Variants in EEFSEC observed in about 807,000 individuals in gnomAD.
The protein encoded by EEFSEC is eukaryotic elongation factor, selenocysteine-tRNA specific.
Under a neutral mutation model 42.1 loss-of-function variants are expected in EEFSEC, and 43 were observed. The observed-to-expected ratio is 1.02, with a 90% confidence interval of 0.80 to 1.32. The LOEUF (loss-of-function observed/expected upper bound fraction) is 1.32. Among genes scored for constraint, EEFSEC ranks in the 40% most tolerant of loss-of-function variants. The pLI, the probability that EEFSEC is intolerant of heterozygous loss-of-function variation, is 0.00. For synonymous variants in EEFSEC, 354 were observed against 339.1 expected (o/e 1.04, Z -0.48); for missense variants, 745 against 803.6 (o/e 0.93, Z 0.88).
rs553960773 is a variant in EEFSEC at position 128,281,825 on chromosome 3, G to A, written c.786+17044G>A. On this transcript the variant is annotated intron_variant, in intron 4 of 6. Coordinates refer to ENST00000254730, the MANE Select transcript of EEFSEC (RefSeq NM_021937.5). The stretch of plus-strand genomic sequence containing the variant: ...GCCTTATGGCTGATGGGGGCCTGGC[G>A]ACTTGCACTCTCCGGTTCTCAGCTG... Among the ~76,000 whole-genome samples, 13 of 152,304 alleles carry A rather than the reference G, an allele frequency of 8.5e-5. No homozygotes were observed. In the South Asian group the frequency reaches 2.1e-3, roughly 24 times the overall value.
At chr3:128,218,772 C>A (rs1576553906) in intron 1 of EEFSEC, among the ~76,000 whole-genome samples, 1 of 152,198 alleles carries the variant, frequency 6.6e-6, no homozygotes, top group South Asian at 2.1e-4. Flanking sequence ...CAAAGGCAAC[C>A]ATTTGCAACT....
chr3:128,182,325 A>G (rs1414613087), intron 1 of EEFSEC, among the ~76,000 whole-genome samples: 2 of 152,240 alleles, frequency 1.3e-5, no homozygotes, highest in African/African-American at 4.8e-5. Context: ...AAAAAAAAAA[A>G]AAATTCTGTA....
At chr3:128,369,140 A>G (rs2067624722) in intron 6 of EEFSEC, among the ~76,000 whole-genome samples, 2 of 152,150 alleles carry the variant, frequency 1.3e-5, no homozygotes, top group Admixed American at 1.3e-4. Context: ...TGACTGGCCC[A>G]CCAGACCCTG....
At chr3:128,349,924 T>C (rs565861751) in intron 5 of EEFSEC, among the ~76,000 whole-genome samples, 3 of 152,334 alleles carry the variant, frequency 2.0e-5, no homozygotes, top group Admixed American at 6.5e-5. Context: ...GACTTTCCTC[T>C]GGAAATGCAG....
At chr3:128,371,277 C>T (rs986799524) in intron 6 of EEFSEC, among the ~76,000 whole-genome samples, 67 of 151,708 alleles carry the variant, frequency 4.4e-4, no homozygotes, top group African/African-American at 1.5e-3. Context: ...TCCCGAAAGG[C>T]CTTGGCCTCC....
At chr3:128,163,760 C>A (rs534076650) in intron 1 of EEFSEC, among the ~76,000 whole-genome samples, 2 of 151,982 alleles carry the variant, frequency 1.3e-5, no homozygotes, top group African/African-American at 4.8e-5. Flanking sequence ...CTGGATTGAC[C>A]GGTCCTGGAC....
chr3:128,395,191 A>G (rs944386250), intron 6 of EEFSEC, among the ~76,000 whole-genome samples: 4 of 152,098 alleles, frequency 2.6e-5, no homozygotes, highest in South Asian at 2.1e-4. Flanking sequence ...TCCCTGCGTC[A>G]CAAGCAGACA....
In EEFSEC at chr3:128,362,393, T is replaced by C. The variant is rs576693028; in HGVS notation, c.1600+4020T>C. 2.9e-5 allele frequency: 12 copies of C among 414,768 alleles called. No individual in the cohort carries two copies. The East Asian group carries it at 9.7e-4, about 33-fold the overall frequency. 25.7% of individuals were successfully genotyped at this position (414,768 alleles called of 1,614,324 possible). On this transcript the variant is annotated intron_variant, in intron 6 of 6. Transcript: ENST00000254730. ...GCTCTGAGTCACTGGGCATTTACTC[T>C]AGGACAGAAAAGGGCACACATGTGC... is the stretch of plus-strand genomic sequence containing the variant.
intron 5 of EEFSEC, among the ~76,000 whole-genome samples, chr3:128,355,252 G>A (rs780467891): frequency 6.6e-6 from 1 of 152,174 alleles, no homozygotes; most frequent in Non-Finnish European, 1.5e-5. Context: ...ATAAGACATA[G>A]TGGCCAGGCT....
At chr3:128,171,648 AAGG>A (rs1344877561) in intron 1 of EEFSEC, among the ~76,000 whole-genome samples, 1 of 152,164 alleles carries the variant, frequency 6.6e-6, no homozygotes, top group African/African-American at 2.4e-5. Context: ...AGGAGAAAAA[AAGG>A]AGATCTCCCT....
intron 1 of EEFSEC, among the ~76,000 whole-genome samples, chr3:128,198,887 G>A (rs1342451181): frequency 2.0e-5 from 3 of 151,384 alleles, no homozygotes; most frequent in South Asian, 2.1e-4. Context: ...GCTGGAGTGC[G>A]GTGGCACTAT....
At chr3:128,285,070 G>A (rs1189049478) in intron 4 of EEFSEC, among the ~76,000 whole-genome samples, 2 of 152,074 alleles carry the variant, frequency 1.3e-5, no homozygotes, top group East Asian at 3.9e-4. Flanking sequence ...GGTTGATGAC[G>A]GCTTGGTCTA....
At chr3:128,423,125 G>T in the EEFSEC span, among the ~76,000 whole-genome samples, 2 of 152,184 alleles carry the variant, frequency 1.3e-5, no homozygotes, top group African/African-American at 4.8e-5. Context: ...AGGGAAACGG[G>T]CACACAGCAG....
chr3:128,192,252 C>G (rs960696926), intron 1 of EEFSEC, among the ~76,000 whole-genome samples: 7 of 152,134 alleles, frequency 4.6e-5, no homozygotes, highest in African/African-American at 1.4e-4. Flanking sequence ...GGGCTGATGC[C>G]TCGTTTCTCT....
intron 6 of EEFSEC, among the ~76,000 whole-genome samples, chr3:128,379,660 T>G (rs1456951080): frequency 6.6e-6 from 1 of 152,172 alleles, no homozygotes; most frequent in African/African-American, 2.4e-5. Flanking sequence ...AGGAAGAGGC[T>G]GTCTAGGGGT....
chr3:128,371,444 G>A (rs1272638295), intron 6 of EEFSEC, among the ~76,000 whole-genome samples: 4 of 152,172 alleles, frequency 2.6e-5, no homozygotes, highest in Admixed American at 1.3e-4. Context: ...CCAAGTTGCA[G>A]CAATGAAAAA....
intron 5 of EEFSEC, among the ~76,000 whole-genome samples, chr3:128,352,635 G>C (rs1376638078): frequency 6.6e-6 from 1 of 152,244 alleles, no homozygotes; most frequent in Non-Finnish European, 1.5e-5. Flanking sequence ...TGAGTCGCAG[G>C]GGTGCACAGG....
intron 4 of EEFSEC, among the ~76,000 whole-genome samples, chr3:128,333,469 T>C (rs1414369750): frequency 6.6e-6 from 1 of 152,246 alleles, no homozygotes; most frequent in Admixed American, 6.5e-5. Flanking sequence ...TAAGAGAATA[T>C]GTGCTTTAAT....
At chr3:128,303,686 A>G (rs2108007919) in intron 4 of EEFSEC, among the ~76,000 whole-genome samples, 1 of 152,210 alleles carries the variant, frequency 6.6e-6, no homozygotes, top group South Asian at 2.1e-4. Context: ...TTTTTTATCC[A>G]TTTAGAAGTT....
Sources: allele counts gnomAD v4.1 joint callset (sites outside exome capture counted in the v4.1 genomes callset), GRCh38; gene constraint gnomAD v4.1.1; transcripts MANE v1.5; gene names NCBI Gene and HGNC (gene_info 2026-07-23, HGNC 2026-07-21).